Variants in TP53I13 observed in about 807,000 individuals in gnomAD.
TP53I13 encodes the protein tumor protein p53-inducible protein 13.
A neutral mutation model predicts 39.1 loss-of-function variants in TP53I13; 27 were observed. The observed-to-expected ratio is 0.69, with a 90% CI of 0.51 to 0.95. The LOEUF is 0.95. Ranked by LOEUF, TP53I13 falls within the 40% of genes least tolerant of loss-of-function variation. TP53I13 has a pLI of 0.00. For synonymous variants in TP53I13, 230 were observed against 224.6 expected, an observed-to-expected ratio of 1.02 and a Z score of -0.22; for missense variants, 544 against 520.4, an observed-to-expected ratio of 1.05 and a Z score of -0.44.
downstream of TP53I13, chr17:29,573,563 G>A (rs1408028872): frequency 6.6e-6 from 1 of 152,574 alleles, no homozygotes; most frequent in Non-Finnish European, 1.5e-5. Flanking sequence ...CTGGCCCCCA[G>A]GGAAGAAGCG....
At chr17:29,577,376 T>C (rs2033247013), downstream of TP53I13, 1 of 761,138 alleles carries the variant, frequency 1.3e-6, no homozygotes. Flanking sequence ...CCAGCCTAGC[T>C]TCACCTGGCT....
At chr17:29,566,869 A>C (rs1167952220), upstream of TP53I13, 16 of 1,503,670 alleles carry the variant, frequency 1.1e-5, no homozygotes, top group African/African-American at 2.9e-5. Flanking sequence ...CCTCTCTCCG[A>C]CGGCGCGCCC....
At chr17:29,582,016 T>C in the TP53I13 span, 1 of 1,612,640 alleles carries the variant, frequency 6.2e-7, no homozygotes. Flanking sequence ...GCAGTGTCTG[T>C]CCTGCCTTGG....
In TP53I13 at chr17:29,569,024, G is replaced by T; in HGVS notation, c.79G>T (p.Ala27Ser). The T allele has an allele frequency of 6.2e-7, 1 of 1,609,684 alleles. No homozygotes were observed. The highest frequency in any genetic ancestry group is 8.5e-7 in the Non-Finnish European group (1 of 1,178,818). ...CTTCGCTTTGGACCCACAGGTGATG[G>T]CTGGACCGGCGGAGGAGGCGGGAGC... ...ARLLGPSEVM[A>S]GPAEEAGAHC... The change falls in exon 2 of 7, where the codon GCT (alanine) becomes TCT (serine). Residue 27 changes from alanine (A) to serine (S), a missense_variant. Coordinates refer to ENST00000301057, the MANE Select transcript of TP53I13 (RefSeq NM_138349.4).
chr17:29,576,207 A>G (rs1337170475), downstream of TP53I13: 1 of 1,604,832 alleles, frequency 6.2e-7, no homozygotes, highest in Non-Finnish European at 8.5e-7. Context: ...CTTGAGACCC[A>G]TAGGTGACTC....
chr17:29,574,482 G>A, downstream of TP53I13: 1 of 614,502 alleles, frequency 1.6e-6, no homozygotes, highest in Middle Eastern at 3.5e-4. Context: ...CAGAGGGGAG[G>A]TGCATGGAAT....
At chr17:29,581,569 C>G in the TP53I13 span, 1 of 697,066 alleles carries the variant, frequency 1.4e-6, no homozygotes, top group Non-Finnish European at 2.5e-6. This position sits in a 1 kb window ranked among gnomAD's most constrained non-coding sequence, Gnocchi z 4.8. Context: ...CTCCCTAGCC[C>G]CAGCGATGCT....
chr17:29,569,060 G>A lies in TP53I13; in HGVS notation c.115G>A (p.Glu39Lys). ...GGAGGAGGCGGGAGCCCATTGTCCC[G>A]AGAGCCTGTGGCCTCTGCCTCCGCA... ...PAEEAGAHCP[E>K]SLWPLPPQVS... is the part of the protein sequence containing the mutation. The change falls in exon 2 of 7, where the codon GAG (glutamate) becomes AAG (lysine). Residue 39 changes from glutamate to lysine, a missense_variant. Coordinates refer to ENST00000301057, the MANE Select transcript of TP53I13 (RefSeq NM_138349.4). 6.2e-7 allele frequency: 1 copy of A among 1,603,568 alleles called. No individual in the cohort carries two copies. The highest frequency in any genetic ancestry group is 1.1e-5 in the South Asian group (1 of 89,526).
chr17:29,575,347 C>T (rs756039319), downstream of TP53I13: 6 of 1,613,646 alleles, frequency 3.7e-6, no homozygotes, highest in Non-Finnish European at 5.1e-6. The surrounding 1 kb of genome is among the most constrained non-coding windows in gnomAD (Gnocchi z 5.5). Context: ...TGGTGACCTG[C>T]TCTGTCTTCA....
At chr17:29,574,816 G>A (rs774362777), downstream of TP53I13, 5 of 1,610,694 alleles carry the variant, frequency 3.1e-6, no homozygotes, top group East Asian at 2.2e-5. Context: ...CTGGGGCGCC[G>A]GGCTCTGGGG....
chr17:29,566,507 C>T (rs565676282), upstream of TP53I13: 5 of 1,611,270 alleles, frequency 3.1e-6, no homozygotes, highest in East Asian at 4.5e-5. Context: ...GGAAGGCCCC[C>T]GGCGCTGGTG....
chr17:29,582,203 A>G, the TP53I13 span: 1 of 1,295,860 alleles, frequency 7.7e-7, no homozygotes, highest in Non-Finnish European at 1.1e-6. Flanking sequence ...CTCCCCACCC[A>G]CAAGCTGCAC....
downstream of TP53I13, chr17:29,574,931 T>C (rs773982835): frequency 6.5e-7 from 1 of 1,546,942 alleles, no homozygotes; most frequent in Admixed American, 1.9e-5. Flanking sequence ...GGGGCAGGAG[T>C]GAGGCTGGAC....
chr17:29,566,847 C>T, upstream of TP53I13: 4 of 1,514,272 alleles, frequency 2.6e-6, no homozygotes, highest in Non-Finnish European at 3.5e-6. Context: ...GGTCTTGGGC[C>T]CCCGGCAGGG....
downstream of TP53I13, chr17:29,578,156 G>A (rs2033277694): frequency 1.4e-6 from 1 of 716,414 alleles, no homozygotes; most frequent in Admixed American, 2.1e-5. Flanking sequence ...TGCCCAGGCA[G>A]GCTCACAGCC....
At chr17:29,581,549 C>G in the TP53I13 span, 3 of 703,928 alleles carry the variant, frequency 4.3e-6, no homozygotes. This position sits in a 1 kb window ranked among gnomAD's most constrained non-coding sequence, Gnocchi z 4.8. Context: ...ATGCAGGATG[C>G]CCACCCCCAC....
downstream of TP53I13, chr17:29,576,947 G>A (rs568213866): frequency 8.1e-6 from 13 of 1,597,958 alleles, no homozygotes; most frequent in Middle Eastern, 1.6e-4. Context: ...TGTCGTAGTC[G>A]TGTTGGTCGT....
chr17:29,578,822 C>A, the TP53I13 span: 19 of 1,600,600 alleles, frequency 1.2e-5, no homozygotes, highest in Non-Finnish European at 1.5e-5. Flanking sequence ...GAGGAGAGAC[C>A]TGAGAGGTGG....
the TP53I13 span, chr17:29,578,778 G>A: frequency 1.2e-6 from 2 of 1,614,060 alleles, no homozygotes; most frequent in Non-Finnish European, 1.7e-6. Flanking sequence ...GATAAGTCAA[G>A]GCTGAGGGCA....
Sources: allele counts gnomAD v4.1 joint callset, GRCh38; gene constraint gnomAD v4.1.1; non-coding constraint Gnocchi (gnomAD v3.1); transcripts MANE v1.5; gene names NCBI Gene and HGNC (gene_info 2026-07-23, HGNC 2026-07-21).